Variants in NPFFR2 observed in about 807,000 individuals in gnomAD.
The protein encoded by NPFFR2 is G-protein coupled receptor 74.
NPFFR2 carries 15 observed loss-of-function variants against 13.1 expected under a neutral mutation model. That is an observed-to-expected ratio of 1.15 (90% CI 0.77 to 1.76). NPFFR2 has a LOEUF of 1.76. Among genes scored for constraint, NPFFR2 ranks in the 40% most tolerant of loss-of-function variants. NPFFR2 has a pLI of 0.00. For synonymous variants in NPFFR2, 190 were observed against 175.7 expected, an observed-to-expected ratio of 1.08 and a Z score of -0.65; for missense variants, 572 against 503.5, an observed-to-expected ratio of 1.14 and a Z score of -1.30.
chr4:72,068,414 A>G (rs1720136325), intron 1 of NPFFR2, among the ~76,000 whole-genome samples: 1 of 152,208 alleles, frequency 6.6e-6, no homozygotes, highest in African/African-American at 2.4e-5. Context: ...AGTCCCATTT[A>G]TTAGAAAAGA....
chr4:72,116,765 T>C (rs567605822), intron 1 of NPFFR2, among the ~76,000 whole-genome samples: 5 of 152,312 alleles, frequency 3.3e-5, no homozygotes, highest in African/African-American at 1.2e-4. Flanking sequence ...TTCAGGCATA[T>C]TTATAATTTT....
chr4:72,113,982 T>A (rs1433258797), intron 1 of NPFFR2, among the ~76,000 whole-genome samples: 3 of 152,150 alleles, frequency 2.0e-5, no homozygotes, highest in Admixed American at 2.0e-4. Context: ...GGCAATCCTT[T>A]ACCAGGGACA....
chr4:72,033,923 G>T (rs1447818787), intron 1 of NPFFR2, among the ~76,000 whole-genome samples: 1 of 152,138 alleles, frequency 6.6e-6, no homozygotes, highest in African/African-American at 2.4e-5. Flanking sequence ...GTGTGCATGT[G>T]TGTGAGTGAG....
chr4:72,077,592 G>T (rs1018585614), intron 1 of NPFFR2, among the ~76,000 whole-genome samples: 1 of 152,080 alleles, frequency 6.6e-6, no homozygotes, highest in African/African-American at 2.4e-5. Context: ...ATTCCTAAAA[G>T]GTTGTTCATT....
In NPFFR2 at chr4:72,032,110, G is replaced by C. The variant is rs748216501; in HGVS notation, c.-98G>C. On this transcript the variant is annotated 5_prime_UTR_variant, in exon 1 of 4. Coordinates refer to ENST00000308744, the MANE Select transcript of NPFFR2 (RefSeq NM_004885.3). ...GGATTGAGCCGGCAGACTGCGAAAA[G>C]TAGCTGGAGCCGGAGCAGGGACAGA... 1.9e-6 allele frequency: 3 copies of C among 1,614,136 alleles called. No individual in the cohort carries two copies. Among genetic ancestry groups the C allele is most frequent in the Non-Finnish European group, 2.5e-6 (3 of 1,179,978 alleles).
At chr4:72,040,569 C>T (rs1719179872) in intron 1 of NPFFR2, among the ~76,000 whole-genome samples, 1 of 152,092 alleles carries the variant, frequency 6.6e-6, no homozygotes, top group South Asian at 2.1e-4. Flanking sequence ...AAGCATATCT[C>T]CTTACTGTTT....
At chr4:72,103,123 A>G (rs1721306428) in intron 1 of NPFFR2, among the ~76,000 whole-genome samples, 1 of 152,120 alleles carries the variant, frequency 6.6e-6, no homozygotes, top group Non-Finnish European at 1.5e-5. Context: ...ATGAGGAAAT[A>G]TTATAGGCTG....
At chr4:72,084,029 T>C (rs531207888) in intron 1 of NPFFR2, among the ~76,000 whole-genome samples, 61 of 152,308 alleles carry the variant, frequency 4.0e-4, no homozygotes, top group African/African-American at 1.5e-3. Flanking sequence ...ATATTTATAA[T>C]GCTATCACCT....
intron 1 of NPFFR2, among the ~76,000 whole-genome samples, chr4:72,125,588 G>T (rs534937200): frequency 6.6e-6 from 1 of 151,938 alleles, no homozygotes; most frequent in Non-Finnish European, 1.5e-5. Context: ...GCAAGGCTGC[G>T]TTTTTTTTCT....
At chr4:72,114,323 C>A (rs6446816) in intron 1 of NPFFR2, among the ~76,000 whole-genome samples, 140,691 of 152,164 alleles carry the variant, frequency 0.92, 66,048 homozygotes, top group Non-Finnish European at 1. Context: ...GGCAAGTAAT[C>A]ACCATGATAT....
intron 1 of NPFFR2, among the ~76,000 whole-genome samples, chr4:72,080,553 A>G (rs1171139012): frequency 1.3e-5 from 2 of 152,182 alleles, no homozygotes; most frequent in Admixed American, 1.3e-4. Flanking sequence ...GCTTTGAAAC[A>G]TGGGAATAAA....
intron 1 of NPFFR2, among the ~76,000 whole-genome samples, chr4:72,122,727 A>G (rs1342423317): frequency 6.6e-6 from 1 of 152,240 alleles, no homozygotes; most frequent in Non-Finnish European, 1.5e-5. Flanking sequence ...ACCATGTACC[A>G]GAATCTCTAG....
At chr4:72,101,655 G>A (rs1351613676) in intron 1 of NPFFR2, among the ~76,000 whole-genome samples, 2 of 151,976 alleles carry the variant, frequency 1.3e-5, no homozygotes, top group Middle Eastern at 3.4e-3. Context: ...TTCAGAGAAG[G>A]CCAGAAGAGA....
At chr4:72,139,371 C>A (rs1722522637) in intron 3 of NPFFR2, among the ~76,000 whole-genome samples, 1 of 152,078 alleles carries the variant, frequency 6.6e-6, no homozygotes, top group South Asian at 2.1e-4. Context: ...AGGTTTTCTT[C>A]TAGGTTTTTT....
At chr4:72,087,776 A>G (rs1225791231) in intron 1 of NPFFR2, among the ~76,000 whole-genome samples, 1 of 152,046 alleles carries the variant, frequency 6.6e-6, no homozygotes. Flanking sequence ...AGAGTGTGAG[A>G]ACGGTTCCCA....
At chr4:72,140,747 G>C (rs750239070) in intron 3 of NPFFR2, among the ~76,000 whole-genome samples, 4 of 152,126 alleles carry the variant, frequency 2.6e-5, no homozygotes, top group Non-Finnish European at 5.9e-5. Context: ...TCTCTACCAG[G>C]CTTTGGTATC....
chr4:72,103,180 G>A (rs1428762101), intron 1 of NPFFR2, among the ~76,000 whole-genome samples: 2 of 152,120 alleles, frequency 1.3e-5, no homozygotes, highest in Non-Finnish European at 1.5e-5. Context: ...TAAGGCAGTT[G>A]CATCATTTTC....
chr4:72,038,815 T>C (rs899286303), intron 1 of NPFFR2, among the ~76,000 whole-genome samples: 2 of 151,654 alleles, frequency 1.3e-5, no homozygotes, highest in African/African-American at 4.8e-5. Context: ...TGAAAATATA[T>C]ACATATATAG....
chr4:72,048,149 C>T (rs922724429), intron 1 of NPFFR2, among the ~76,000 whole-genome samples: 1 of 152,024 alleles, frequency 6.6e-6, no homozygotes, highest in Admixed American at 6.6e-5. Flanking sequence ...CGTAAATGCA[C>T]AGAGAGCATA....
Sources: allele counts gnomAD v4.1 joint callset (sites outside exome capture counted in the v4.1 genomes callset), GRCh38; gene constraint gnomAD v4.1.1; transcripts MANE v1.5; gene names NCBI Gene and HGNC (gene_info 2026-07-23, HGNC 2026-07-21).